The following CHST8 variants were observed in gnomAD, a reference collection of about 807,000 sequenced individuals.
The protein encoded by CHST8 is carbohydrate sulfotransferase 8, also known as GALNAC-4-ST1.
In CHST8, 10 loss-of-function variants were observed where a neutral mutation model predicts 15.0. That is an observed-to-expected ratio of 0.67 (90% CI 0.41 to 1.13). CHST8 has a LOEUF of 1.13. Among genes scored for constraint, CHST8 ranks in the 50% most tolerant of loss-of-function variants. CHST8 has a pLI of 0.00. For missense variants in CHST8, 634 were observed against 608.2 expected (o/e 1.04, Z -0.45); for synonymous variants, 259 against 256.6 (o/e 1.01, Z -0.09).
At chr19:33,652,868 T>C (rs1972467222) in intron 1 of CHST8, among the ~76,000 whole-genome samples, 1 of 152,176 alleles carries the variant, frequency 6.6e-6, no homozygotes, top group South Asian at 2.1e-4. Context: ...ATGTTGCTAA[T>C]ATACGCACTT....
At chr19:33,626,817 C>A (rs933937442) in intron 1 of CHST8, among the ~76,000 whole-genome samples, 1 of 139,494 alleles carries the variant, frequency 7.2e-6, no homozygotes, top group Non-Finnish European at 1.5e-5. Flanking sequence ...GAGACAGAGT[C>A]TCGCTCTATT....
At chr19:33,755,801 T>C (rs766759777) in intron 3 of CHST8, among the ~76,000 whole-genome samples, 60 of 152,284 alleles carry the variant, frequency 3.9e-4, no homozygotes, top group Non-Finnish European at 6.6e-4. Flanking sequence ...AGCTCAGATA[T>C]CTTCTTTAGC....
chr19:33,721,315 C>T (rs546614310), intron 3 of CHST8, among the ~76,000 whole-genome samples: 5 of 152,328 alleles, frequency 3.3e-5, no homozygotes, highest in Admixed American at 1.3e-4. Context: ...CTTCTGTCCT[C>T]TGAGATCGGG....
At chr19:33,741,722 T>A (rs1035240142) in intron 3 of CHST8, among the ~76,000 whole-genome samples, 86 of 151,028 alleles carry the variant, frequency 5.7e-4, no homozygotes, top group Middle Eastern at 3.4e-3. Flanking sequence ...TTTTTTTTTT[T>A]AAATTGTGCT....
At chr19:33,685,801 A>C (rs779514420) in intron 2 of CHST8, among the ~76,000 whole-genome samples, 1 of 152,132 alleles carries the variant, frequency 6.6e-6, no homozygotes, top group Admixed American at 6.5e-5. Context: ...CCTTGAAAAC[A>C]ACGTGCGACT....
chr19:33,714,178 C>T (rs940039720), intron 3 of CHST8, among the ~76,000 whole-genome samples: 1 of 152,094 alleles, frequency 6.6e-6, no homozygotes, highest in African/African-American at 2.4e-5. Context: ...AGAAGTCACT[C>T]TATAAAAAAG....
chr19:33,772,759 T>C lies in CHST8; in HGVS notation c.971T>C (p.Met324Thr), dbSNP rs972682223. ...CTGGACGTGCACCGGCCCGTGGGGA[T>C]GGACATTCACTGGGACCATGTCAGC... ...YLLDVHRPVG[M>T]DIHWDHVSRL... The change falls in exon 5 of 5, where the codon ATG becomes ACG. Residue 324 changes from methionine to threonine, a missense_variant. Transcript: ENST00000650847. The C allele has an allele frequency of 6.2e-7, 1 of 1,613,376 alleles. No homozygotes were observed. Among genetic ancestry groups the C allele is most frequent in the Non-Finnish European group, 8.5e-7 (1 of 1,180,008 alleles).
At chr19:33,671,682 C>A (rs1054679723) in intron 2 of CHST8, among the ~76,000 whole-genome samples, 2 of 148,370 alleles carry the variant, frequency 1.3e-5, no homozygotes, top group Admixed American at 1.3e-4. Context: ...ACATACTCAC[C>A]TTTGGCCTCA....
chr19:33,694,591 C>G (rs898436397), intron 3 of CHST8, among the ~76,000 whole-genome samples: 4 of 152,034 alleles, frequency 2.6e-5, no homozygotes, highest in Non-Finnish European at 5.9e-5. Flanking sequence ...GAGAACTTTA[C>G]TTTTTTGAGA....
intron 3 of CHST8, among the ~76,000 whole-genome samples, chr19:33,716,809 C>T (rs1325790815): frequency 6.6e-6 from 1 of 152,174 alleles, no homozygotes; most frequent in East Asian, 1.9e-4. Context: ...GTGGCTTAAA[C>T]AACAGAAATG....
intron 3 of CHST8, among the ~76,000 whole-genome samples, chr19:33,750,098 C>T (rs1466089700): frequency 6.6e-6 from 1 of 152,150 alleles, no homozygotes. Context: ...AAGGCAGGGC[C>T]CCTCGCCAAG....
At chr19:33,733,933 G>C (rs1974037688) in intron 3 of CHST8, among the ~76,000 whole-genome samples, 1 of 152,184 alleles carries the variant, frequency 6.6e-6, no homozygotes, top group Admixed American at 6.5e-5. Flanking sequence ...TGATCTATGA[G>C]GCAAGCCTCC....
chr19:33,627,182 CCT>C (rs1280287839), intron 1 of CHST8, among the ~76,000 whole-genome samples: 2 of 150,118 alleles, frequency 1.3e-5, no homozygotes, highest in Non-Finnish European at 3.0e-5. Context: ...CTCACTGCAA[CCT>C]CTGTCTCCCA....
chr19:33,757,853 G>A, intron 3 of CHST8, among the ~76,000 whole-genome samples: 1 of 152,162 alleles, frequency 6.6e-6, no homozygotes, highest in East Asian at 1.9e-4. Context: ...CACCACGCCA[G>A]TATTATGCTC....
At chr19:33,743,981 G>A (rs1248376625) in intron 3 of CHST8, among the ~76,000 whole-genome samples, 1 of 151,852 alleles carries the variant, frequency 6.6e-6, no homozygotes, top group Non-Finnish European at 1.5e-5. Flanking sequence ...AGTAGAGACA[G>A]GGTTTCACCA....
At chr19:33,670,211 A>C (rs1225178270) in intron 2 of CHST8, among the ~76,000 whole-genome samples, 2 of 152,192 alleles carry the variant, frequency 1.3e-5, no homozygotes. Context: ...TGAAAACAAA[A>C]CCCCAATGCA....
intron 1 of CHST8, among the ~76,000 whole-genome samples, chr19:33,654,985 A>C (rs1426116746): frequency 6.6e-6 from 1 of 152,174 alleles, no homozygotes; most frequent in African/African-American, 2.4e-5. Context: ...CTGGTCAGAC[A>C]TGGTAGGTCA....
intron 3 of CHST8, among the ~76,000 whole-genome samples, chr19:33,767,876 T>C (rs1362105099): frequency 6.6e-6 from 1 of 152,126 alleles, no homozygotes; most frequent in Non-Finnish European, 1.5e-5. Context: ...CCACTGATGT[T>C]ATCTAGATTG....
rs1972505382 is a variant in CHST8, at chr19:33,655,940, AT to A, written c.-163-11821del. On this transcript the variant is annotated intron_variant, in intron 1 of 4. Coordinates refer to ENST00000650847, the MANE Select transcript of CHST8 (RefSeq NM_001127895.2). The stretch of plus-strand genomic sequence containing the variant: ...GGCTTATTTTCTTGTTCTTTTTCTA[AT>A]TTTTTAAGTTGAACATCTGTCCAGG... 7.2e-5 allele frequency among the ~76,000 whole-genome samples: 11 copies of A among 152,080 alleles called. No homozygotes were observed. In the South Asian group the frequency reaches 2.3e-3, roughly 32 times the overall value.
Sources: gnomAD v4.1 joint callset for allele counts (sites outside exome capture counted in the v4.1 genomes callset) on GRCh38, gnomAD v4.1.1 for gene constraint, MANE v1.5 for transcripts, NCBI Gene and HGNC (gene_info 2026-07-23, HGNC 2026-07-21) for gene names.